NOS1AP: variants seen among roughly 807,000 people sequenced by gnomAD.
NOS1AP encodes the protein carboxyl-terminal PDZ ligand of neuronal nitric oxide synthase protein.
A neutral mutation model predicts 56.2 loss-of-function variants in NOS1AP; 21 were observed. The observed-to-expected ratio is 0.37, with a 90% CI of 0.26 to 0.54. The LOEUF (loss-of-function observed/expected upper bound fraction) is 0.54, where lower values mean the gene tolerates loss of function less well. Ranked by LOEUF, NOS1AP falls within the 20% of genes least tolerant of loss-of-function variation. NOS1AP has a pLI of 0.84. For missense variants in NOS1AP, 522 were observed against 657.8 expected, an observed-to-expected ratio of 0.79 and a Z score of 2.26; for synonymous variants, 270 against 274.6, an observed-to-expected ratio of 0.98 and a Z score of 0.17.
chr1:162,311,688 C>T (rs1229969186), intron 4 of NOS1AP, among the ~76,000 whole-genome samples: 6 of 147,260 alleles, frequency 4.1e-5, no homozygotes, highest in Non-Finnish European at 7.5e-5. Flanking sequence ...CCCACTAACT[C>T]GTCATCTAGC....
intron 9 of NOS1AP, 56 bp downstream of exon 9, chr1:162,365,625 T>G: frequency 6.3e-7 from 1 of 1,596,646 alleles, no homozygotes; most frequent in Non-Finnish European, 8.5e-7. Context: ...GGAAAGAGTG[T>G]CACTTTCCTT....
At position 162,082,428 on chromosome 1, in the gene NOS1AP, G is replaced by T. The variant is rs371209659; in HGVS notation, c.105+12146G>T. On this transcript the variant is annotated intron_variant, in intron 1 of 9. Coordinates refer to ENST00000361897, the MANE Select transcript of NOS1AP (RefSeq NM_014697.3). ...CATGCATGTGTCTTTATAATAGAAT[G>T]ATTTATATTTCTTTAGGTACATACC... Among the ~76,000 whole-genome samples, 21 of 152,244 alleles carry T rather than the reference G, an allele frequency of 1.4e-4. 1 individual carries two copies. The highest frequency in any genetic ancestry group is 4.6e-4 in the African/African-American group (19 of 41,558).
intron 8 of NOS1AP, chr1:162,364,441 T>G: frequency 1.0e-6 from 1 of 985,462 alleles, no homozygotes; most frequent in African/African-American, 1.7e-5. Flanking sequence ...GCCTTCTAAC[T>G]CAGTTTCTTC....
At chr1:162,072,073 GATA>G (rs1223774600) in intron 1 of NOS1AP, among the ~76,000 whole-genome samples, 20 of 151,478 alleles carry the variant, frequency 1.3e-4, no homozygotes, top group African/African-American at 4.8e-4. Flanking sequence ...TAGATAGATA[GATA>G]GATAGATAGA....
intron 2 of NOS1AP, among the ~76,000 whole-genome samples, chr1:162,258,569 A>C (rs1330663212): frequency 6.6e-6 from 1 of 152,128 alleles, no homozygotes; most frequent in Non-Finnish European, 1.5e-5. Flanking sequence ...CCCCTGGCTT[A>C]ACTCCCAGCT....
chr1:162,278,677 G>A (rs202002290), intron 2 of NOS1AP, among the ~76,000 whole-genome samples: 44,058 of 125,680 alleles, frequency 0.35, 7,155 homozygotes, highest in East Asian at 0.7. Context: ...GTGTGTGTGT[G>A]TGTGTGTGTG....
intron 2 of NOS1AP, among the ~76,000 whole-genome samples, chr1:162,202,407 C>A (rs979891495): frequency 6.6e-6 from 1 of 152,032 alleles, no homozygotes; most frequent in South Asian, 2.1e-4. Flanking sequence ...AAGTTGAAAT[C>A]ATGGTACATA....
intron 4 of NOS1AP, among the ~76,000 whole-genome samples, chr1:162,303,977 T>C (rs2101757785): frequency 6.6e-6 from 1 of 151,796 alleles, no homozygotes; most frequent in East Asian, 1.9e-4. Flanking sequence ...GGAGTCCAAT[T>C]TGTTAATTTT....
At chr1:162,100,058 G>A (rs1428260380) in intron 1 of NOS1AP, among the ~76,000 whole-genome samples, 20 of 152,110 alleles carry the variant, frequency 1.3e-4, no homozygotes, top group Non-Finnish European at 2.9e-5. Flanking sequence ...TTGGTTCCAA[G>A]TCTTTGCTAT....
chr1:162,288,816 T>G (rs1047627183), intron 3 of NOS1AP, among the ~76,000 whole-genome samples: 2 of 152,226 alleles, frequency 1.3e-5, no homozygotes, highest in Non-Finnish European at 2.9e-5. Flanking sequence ...GAATTAAATA[T>G]CTTTGGCTTT....
chr1:162,347,657 C>T (rs1009438017), intron 6 of NOS1AP, among the ~76,000 whole-genome samples: 1 of 152,094 alleles, frequency 6.6e-6, no homozygotes, highest in African/African-American at 2.4e-5. Flanking sequence ...CACTTCTGGC[C>T]CCTGCAGTGG....
At chr1:162,196,703 T>C (rs1651816604) in intron 2 of NOS1AP, among the ~76,000 whole-genome samples, 1 of 152,150 alleles carries the variant, frequency 6.6e-6, no homozygotes, top group Admixed American at 6.5e-5. Context: ...CAGACTATAA[T>C]AGAAATCAAA....
At chr1:162,300,445 C>T (rs1655610434) in intron 3 of NOS1AP, among the ~76,000 whole-genome samples, 188 bp from the exon 4 acceptor site, 1 of 152,146 alleles carries the variant, frequency 6.6e-6, no homozygotes, top group Non-Finnish European at 1.5e-5. Flanking sequence ...TCCTAAAGTG[C>T]TTGGAGGAAA....
chr1:162,154,810 T>C (rs1214043043), intron 2 of NOS1AP, among the ~76,000 whole-genome samples: 2 of 152,062 alleles, frequency 1.3e-5, no homozygotes, highest in Non-Finnish European at 2.9e-5. Flanking sequence ...GGGAAAAGGT[T>C]TAGTAATGAT....
At chr1:162,223,551 A>G (rs1557838754) in intron 2 of NOS1AP, among the ~76,000 whole-genome samples, 1 of 152,212 alleles carries the variant, frequency 6.6e-6, no homozygotes. Flanking sequence ...CAAGACGTAG[A>G]AAAAGCTTTA....
intron 1 of NOS1AP, among the ~76,000 whole-genome samples, chr1:162,133,619 G>C (rs1648852055): frequency 6.6e-6 from 1 of 152,166 alleles, no homozygotes; most frequent in Admixed American, 6.5e-5. Context: ...TTTGGCTTTT[G>C]AGTGACTCAT....
At chr1:162,206,702 T>C (rs1162412960) in intron 2 of NOS1AP, among the ~76,000 whole-genome samples, 1 of 152,182 alleles carries the variant, frequency 6.6e-6, no homozygotes, top group African/African-American at 2.4e-5. Context: ...AGAGTGAAAA[T>C]CACCTATTGC....
At chr1:162,180,674 A>G (rs1397809069) in intron 2 of NOS1AP, among the ~76,000 whole-genome samples, 1 of 152,210 alleles carries the variant, frequency 6.6e-6, no homozygotes, top group Middle Eastern at 3.2e-3. Context: ...ACAGCCAGCA[A>G]GAAAGTGGAG....
intron 4 of NOS1AP, among the ~76,000 whole-genome samples, chr1:162,301,234 G>A (rs577154011): frequency 9.8e-5 from 15 of 152,286 alleles, no homozygotes; most frequent in Non-Finnish European, 1.8e-4. Flanking sequence ...GATGGAGTTA[G>A]GAGTTGAGAC....
Sources: gnomAD v4.1 joint callset for allele counts (sites outside exome capture counted in the v4.1 genomes callset) on GRCh38, gnomAD v4.1.1 for gene constraint, MANE v1.5 for transcripts, NCBI Gene and HGNC (gene_info 2026-07-23, HGNC 2026-07-21) for gene names.